ZFHX3: variants seen among roughly 807,000 people sequenced by gnomAD.
ZFHX3 encodes zinc finger homeobox 3, also known as zinc finger homeobox protein 3.
A neutral mutation model predicts 279.1 loss-of-function variants in ZFHX3; 42 were observed. The observed-to-expected ratio is 0.15, with a 90% CI of 0.12 to 0.19. ZFHX3 has a LOEUF of 0.19. Ranked by LOEUF, ZFHX3 falls within the 10% of genes least tolerant of loss-of-function variation. The pLI is 1.00. For synonymous variants in ZFHX3, 2,293 were observed against 1,957.8 expected (o/e 1.17, Z -4.52); for missense variants, 4,981 against 4,754.0 (o/e 1.05, Z -1.40).
rs558383273 is a variant in ZFHX3, at chr16:73,631,800, G to A, written c.-1547+48380C>T. ...TGCACGCCTGTAGTCCCAGCTACTCGGGTGGCTGAGGCAGGAGAATCACTT... is the reference window on the plus strand; with the variant it reads ...TGCACGCCTGTAGTCCCAGCTACTCAGGTGGCTGAGGCAGGAGAATCACTT... On this transcript the variant is annotated intron_variant, in intron 2 of 17. Coordinates refer to the ZFHX3 transcript ENST00000641206. 1.7e-4 allele frequency among the ~76,000 whole-genome samples: 26 copies of A among 152,092 alleles called. No homozygotes were observed. The South Asian group carries it at 3.1e-3, about 18-fold the overall frequency.
chr16:73,395,413 G>A (rs1007254896), intron 3 of ZFHX3, among the ~76,000 whole-genome samples: 5 of 151,224 alleles, frequency 3.3e-5, no homozygotes, highest in East Asian at 2.0e-4. Flanking sequence ...GCAGTGAGCC[G>A]AGATCACACC....
chr16:73,741,520 C>T (rs1244888770), intron 1 of ZFHX3, among the ~76,000 whole-genome samples: 18 of 152,056 alleles, frequency 1.2e-4, no homozygotes, highest in Non-Finnish European at 2.9e-5. Flanking sequence ...AGAAATTGTC[C>T]GGGTGTTTTC....
At chr16:73,803,933 G>A (rs1567415742) in intron 1 of ZFHX3, among the ~76,000 whole-genome samples, 1 of 152,174 alleles carries the variant, frequency 6.6e-6, no homozygotes, top group Non-Finnish European at 1.5e-5. Flanking sequence ...GCCAAGGCAT[G>A]CAGATGGCTT....
chr16:73,009,008 GGAAC>G (rs1366108686), intron 1 of ZFHX3, among the ~76,000 whole-genome samples: 1 of 151,970 alleles, frequency 6.6e-6, no homozygotes, highest in Non-Finnish European at 1.5e-5. Context: ...CTAAATGTCA[GGAAC>G]ATGAAGCTGA....
intron 2 of ZFHX3, among the ~76,000 whole-genome samples, chr16:73,658,287 C>T (rs145360410): frequency 5.3e-5 from 8 of 152,102 alleles, no homozygotes; most frequent in Non-Finnish European, 1.2e-4. Flanking sequence ...AATAAAAATC[C>T]TTCTAATTTT....
intron 2 of ZFHX3, chr16:73,609,502 A>G (rs752695783): frequency 6.6e-6 from 1 of 152,212 alleles, no homozygotes; most frequent in African/African-American, 2.4e-5. Flanking sequence ...TTTGATTTAA[A>G]CAAAGGGTAT....
chr16:73,658,357 G>A (rs1440321650), intron 2 of ZFHX3, among the ~76,000 whole-genome samples: 1 of 152,132 alleles, frequency 6.6e-6, no homozygotes, highest in Non-Finnish European at 1.5e-5. Context: ...CCAGACTGGA[G>A]CGCAGTGGCA....
intron 3 of ZFHX3, among the ~76,000 whole-genome samples, chr16:72,894,378 T>C (rs1328716298): frequency 6.6e-6 from 1 of 152,194 alleles, no homozygotes; most frequent in East Asian, 1.9e-4. Context: ...CTCTGTGACC[T>C]TCTCCACATC....
intron 3 of ZFHX3, among the ~76,000 whole-genome samples, chr16:73,351,758 CATTACCTCTGGGTCTCCAGCCTT>C (rs776847624): frequency 3.1e-3 from 469 of 152,288 alleles, no homozygotes; most frequent in Non-Finnish European, 4.9e-3. Flanking sequence ...GCACGGTTTC[CATTACCTCTGGGTCTCCAGCCTT>C]CCAGGGGGGC....
intron 2 of ZFHX3, among the ~76,000 whole-genome samples, chr16:73,535,262 G>T (rs964100543): frequency 6.6e-6 from 1 of 152,158 alleles, no homozygotes; most frequent in Non-Finnish European, 1.5e-5. Flanking sequence ...AAAATAATTA[G>T]GAAGCAATCA....
intron 5 of ZFHX3, among the ~76,000 whole-genome samples, chr16:72,818,323 TCTGA>T (rs2036674310): frequency 6.6e-6 from 1 of 152,326 alleles, no homozygotes; most frequent in South Asian, 2.1e-4. Context: ...GATTTTGTGA[TCTGA>T]CTTTCATTGA....
rs973315742 is a variant in ZFHX3, at chr16:73,505,097, G to A, written c.-1546-48839C>T. 3 of 152,058 alleles carry A rather than the reference G, an allele frequency of 2.0e-5. No individual in the cohort carries two copies. The East Asian group carries it at 5.8e-4, about 29-fold the overall frequency. The allele number at this position is 152,058 out of a possible 1,614,324, so 9.4% of individuals were successfully genotyped here. On this transcript the variant is annotated intron_variant, in intron 2 of 17. Coordinates refer to the ZFHX3 transcript ENST00000641206. ...CTGGTGAAGCACACTGAGGCAGCTG[G>A]AAGATTAAATTAAGTATCATATCTG...
intron 2 of ZFHX3, among the ~76,000 whole-genome samples, chr16:73,483,930 GTTTTT>G (rs1220305940): frequency 1.2e-4 from 15 of 129,932 alleles, no homozygotes; most frequent in African/African-American, 3.7e-4. Context: ...CTCTGCCTTT[GTTTTT>G]TTTTTTTTTT....
chr16:73,076,522 A>T (rs1965887999), intron 8 of ZFHX3, among the ~76,000 whole-genome samples: 1 of 152,224 alleles, frequency 6.6e-6, no homozygotes, highest in South Asian at 2.1e-4. Flanking sequence ...TGTCACAGTT[A>T]TTAAGGTGCT....
chr16:73,661,434 T>G (rs78399394), intron 2 of ZFHX3, among the ~76,000 whole-genome samples: 8,944 of 152,228 alleles, frequency 0.059, 888 homozygotes, highest in African/African-American at 0.2. Flanking sequence ...TAATAAAGGA[T>G]GTATGGCCGG....
At position 72,788,729 on chromosome 16, in the gene ZFHX3, G is replaced by T; in HGVS notation, c.9547C>A (p.Pro3183Thr). Residue 3183 changes from proline (P) to threonine (T), a missense_variant, in exon 10 of 10, where the codon CCA becomes ACA. Pro to Thr is a conservative substitution (Grantham distance 38). Transcript: ENST00000268489. ...CCCATCGCCATCGTGGCTTGTGCTGGGGTTGGGGAGCTCAGCGACGCTGAG... is the reference window on the plus strand; with the variant it reads ...CCCATCGCCATCGTGGCTTGTGCTGTGGTTGGGGAGCTCAGCGACGCTGAG... ...PSSASLSSPT[P>T]AQATMAMGPQ... is the part of the protein sequence containing the mutation. 6.2e-7 allele frequency: 1 copy of T among 1,601,642 alleles called. No individual in the cohort carries two copies. The highest frequency in any genetic ancestry group is 8.5e-7 in the Non-Finnish European group (1 of 1,174,266).
chr16:73,093,671 C>T (rs753265413), intron 7 of ZFHX3: 32 of 417,586 alleles, frequency 7.7e-5, no homozygotes, highest in African/African-American at 1.6e-4. Context: ...GCCATTACAG[C>T]GCTGATTAAA....
rs914237796 is a variant in ZFHX3 at position 72,950,643 on chromosome 16, C to T, written c.3042G>A (p.Leu1014=). 6.2e-7 allele frequency: 1 copy of T among 1,614,230 alleles called. No individual in the cohort carries two copies. Among genetic ancestry groups the T allele is most frequent in the Non-Finnish European group, 8.5e-7 (1 of 1,180,048 alleles). ...TGCCGCCCTCCTTGATGTGGGCCACCAGCTGGTACTTCTGCACGTGCTTGT... is the reference window on the plus strand; with the variant it reads ...TGCCGCCCTCCTTGATGTGGGCCACTAGCTGGTACTTCTGCACGTGCTTGT... ...KTDKHVQKYQ[L]VAHIKEGGKA... The change falls in exon 3 of 10, where the codon CTG becomes CTA. Residue 1014 remains leucine, a synonymous_variant. Coordinates refer to ENST00000268489, the MANE Select transcript of ZFHX3 (RefSeq NM_006885.4).
chr16:73,793,738 G>A (rs1477478668), intron 1 of ZFHX3, among the ~76,000 whole-genome samples: 2 of 152,168 alleles, frequency 1.3e-5, no homozygotes, highest in African/African-American at 4.8e-5. Context: ...GGTTTGGAAT[G>A]AAGAGGAATA....
Sources: allele counts gnomAD v4.1 joint callset (sites outside exome capture counted in the v4.1 genomes callset), GRCh38; gene constraint gnomAD v4.1.1; transcripts MANE v1.5; gene names NCBI Gene and HGNC (gene_info 2026-07-23, HGNC 2026-07-21).